Variants in CFAP43 observed in about 807,000 individuals in gnomAD.
The protein encoded by CFAP43 is cilia- and flagella-associated protein 43.
In CFAP43, 155 loss-of-function variants were observed where a neutral mutation model predicts 218.9. The ratio of observed to expected loss-of-function variants is 0.71; its 90% CI spans 0.62 to 0.81. The LOEUF (loss-of-function observed/expected upper bound fraction) is 0.81. Ranked by LOEUF, CFAP43 falls within the 30% of genes least tolerant of loss-of-function variation. CFAP43 has a pLI of 0.00. For missense variants in CFAP43, 1,778 were observed against 1,954.3 expected (o/e 0.91, Z 1.70); for synonymous variants, 645 against 681.3 (o/e 0.95, Z 0.83).
chr10:104,186,020 G>A lies in CFAP43; in HGVS notation c.1964C>T (p.Thr655Ile), dbSNP rs2090016823. ...YLSSHGLWLI[T>I]IAKCGILCIR... Reference sequence around the variant, plus strand: ...ACACAGAATTCCACATTTAGCTATTGTTATGAGCCACAATCCATGTGAAGA... The same window carrying A: ...ACACAGAATTCCACATTTAGCTATTATTATGAGCCACAATCCATGTGAAGA... Residue 655 changes from threonine (T) to isoleucine (I), a missense_variant, in exon 15 of 38, where the codon ACA becomes ATA. By Grantham distance (89) the Thr-to-Ile change is moderately conservative. This residue lies in a region of CFAP43 where 1,553 missense variants were observed against 1,685.2 expected (regional missense o/e 0.92). Transcript: ENST00000357060. 6.2e-7 allele frequency: 1 copy of A among 1,610,830 alleles called. No homozygotes were observed. Among genetic ancestry groups the A allele is most frequent in the African/African-American group, 1.3e-5 (1 of 74,606 alleles).
intron 34 of CFAP43, among the ~76,000 whole-genome samples, chr10:104,138,829 T>C (rs1163458789): frequency 6.6e-6 from 1 of 152,122 alleles, no homozygotes; most frequent in African/African-American, 2.4e-5. Flanking sequence ...AGTTCAATAG[T>C]TGTGGCAAAT....
intron 5 of CFAP43, among the ~76,000 whole-genome samples, chr10:104,210,370 A>G (rs1330685397): frequency 6.6e-6 from 1 of 152,186 alleles, no homozygotes; most frequent in Non-Finnish European, 1.5e-5. Flanking sequence ...ATTTTAGTTT[A>G]GCTTAGTTTA....
At chr10:104,228,793 C>T (rs1403205430) in intron 2 of CFAP43, among the ~76,000 whole-genome samples, 1 of 152,136 alleles carries the variant, frequency 6.6e-6, no homozygotes, top group East Asian at 1.9e-4. Context: ...TCTTACTGAG[C>T]ATTCTTTTGT....
At position 104,170,278 on chromosome 10, in the gene CFAP43, G is replaced by A. The variant is rs115384683; in HGVS notation, c.2587-1430C>T. ...ACCAAATCCTGCCTCAGAGGATCAAGGAGAACTCTTGAGGGATGAGCATGA... is the reference window on the plus strand; with the variant it reads ...ACCAAATCCTGCCTCAGAGGATCAAAGAGAACTCTTGAGGGATGAGCATGA... On this transcript the variant is annotated intron_variant, in intron 20 of 37. Coordinates refer to ENST00000357060, the MANE Select transcript of CFAP43 (RefSeq NM_025145.7). 9.4e-3 allele frequency among the ~76,000 whole-genome samples: 1,433 copies of A among 152,230 alleles called. 25 individuals carry two copies. The highest frequency in any genetic ancestry group is 0.033 in the African/African-American group (1,384 of 41,498).
At chr10:104,169,722 G>A (rs2089327539) in intron 20 of CFAP43, among the ~76,000 whole-genome samples, 1 of 151,260 alleles carries the variant, frequency 6.6e-6, no homozygotes, top group Admixed American at 6.6e-5. Context: ...TTATTTTATT[G>A]TCTGATTAAA....
At chr10:104,170,848 G>A (rs1197559936) in intron 20 of CFAP43, among the ~76,000 whole-genome samples, 2 of 152,052 alleles carry the variant, frequency 1.3e-5, no homozygotes, top group Non-Finnish European at 2.9e-5. Context: ...AAGCTCGTCA[G>A]GGCTAGCCTC....
intron 19 of CFAP43, 51 bp from the exon 20 acceptor site, chr10:104,172,586 A>T: frequency 3.4e-6 from 5 of 1,461,078 alleles, no homozygotes; most frequent in Non-Finnish European, 4.5e-6. Context: ...TTAAACTGTA[A>T]TAAGATAATT....
chr10:104,229,975 A>G (rs2091407739), intron 2 of CFAP43, among the ~76,000 whole-genome samples: 1 of 152,196 alleles, frequency 6.6e-6, no homozygotes, highest in African/African-American at 2.4e-5. Context: ...CATATGAATC[A>G]CCTGGGAATT....
At position 104,205,031 on chromosome 10, in the gene CFAP43, G is replaced by A. The variant is rs189747947; in HGVS notation, c.963+932C>T. 6.7e-3 allele frequency among the ~76,000 whole-genome samples: 1,016 copies of A among 152,064 alleles called. 5 individuals carry two copies. The highest frequency in any genetic ancestry group is 0.011 in the Non-Finnish European group (736 of 67,956). On this transcript the variant is annotated intron_variant, in intron 7 of 37. Transcript: ENST00000357060. ...AGATCAAGACCATCCTGCATAACAC[G>A]GTGAAACCCCGTCTCTACTAAAAAT...
intron 2 of CFAP43, 65 bp from the exon 3 acceptor site, chr10:104,225,622 T>C (rs1485895743): frequency 2.6e-5 from 34 of 1,293,304 alleles, no homozygotes; most frequent in Non-Finnish European, 3.6e-5. Flanking sequence ...AACTATGGTC[T>C]TACAGTTTAT....
At chr10:104,146,412 G>A in intron 29 of CFAP43, 63 bp from the exon 30 acceptor site, 1 of 1,248,106 alleles carries the variant, frequency 8.0e-7, no homozygotes, top group South Asian at 1.2e-5. Context: ...CAAAAATATT[G>A]GGGATACTAA....
intron 18 of CFAP43, 117 bp downstream of exon 18, chr10:104,179,723 C>T (rs1376469462): frequency 1.3e-6 from 1 of 753,578 alleles, no homozygotes; most frequent in Non-Finnish European, 2.3e-6. Flanking sequence ...TTGTAATGCT[C>T]TGCCAAGTGG....
intron 2 of CFAP43, among the ~76,000 whole-genome samples, chr10:104,228,926 G>A (rs1034259201): frequency 6.6e-6 from 1 of 151,956 alleles, no homozygotes; most frequent in Non-Finnish European, 1.5e-5. Flanking sequence ...GTGATAACAG[G>A]TCTCTCTGAT....
Position 104,192,293 on chromosome 10 carries a change from C to A in CFAP43, c.1452G>T (p.Gln484His). 6.2e-7 allele frequency: 1 copy of A among 1,610,218 alleles called. No individual in the cohort carries two copies. Among genetic ancestry groups the A allele is most frequent in the Non-Finnish European group, 8.5e-7 (1 of 1,177,698 alleles). ...TTCCAACTAACAGAAATATTCCTTGCTGATCATAACTAGAAAAGAAGAAAT... is the reference window on the plus strand; with the variant it reads ...TTCCAACTAACAGAAATATTCCTTGATGATCATAACTAGAAAAGAAGAAAT... ...ESSVQHVVYDQQGIFLLVGTA... is the reference protein window; with the variant it reads ...ESSVQHVVYDHQGIFLLVGTA... Residue 484 changes from glutamine to histidine, a missense_variant, in exon 12 of 38, where the codon CAG (glutamine) becomes CAT (histidine). Physicochemically the swap from Gln to His is conservative, Grantham distance 24. This residue lies in a region of CFAP43 where 1,553 missense variants were observed against 1,685.2 expected (regional missense o/e 0.92). Coordinates refer to ENST00000357060, the MANE Select transcript of CFAP43 (RefSeq NM_025145.7).
chr10:104,148,587 T>G lies in CFAP43; in HGVS notation c.3661-589A>C, dbSNP rs186354568. Reference sequence around the variant, plus strand: ...GTGAGTGAGTTTATACTCTATTAGTTCCCCTGAGTGCTGATTGTTAAAGAG... The same window carrying G: ...GTGAGTGAGTTTATACTCTATTAGTGCCCCTGAGTGCTGATTGTTAAAGAG... On this transcript the variant is annotated intron_variant, in intron 28 of 37. Transcript: ENST00000357060. 6.2e-4 allele frequency among the ~76,000 whole-genome samples: 94 copies of G among 152,194 alleles called. 1 individual carries two copies. The highest frequency in any genetic ancestry group is 2.1e-3 in the African/African-American group (89 of 41,514).
intron 19 of CFAP43, among the ~76,000 whole-genome samples, chr10:104,175,842 G>A (rs2089610272): frequency 6.6e-6 from 1 of 152,288 alleles, no homozygotes; most frequent in African/African-American, 2.4e-5. Flanking sequence ...GTTGGGGACT[G>A]TCTGTATATA....
At chr10:104,203,438 T>C (rs2090590664) in intron 8 of CFAP43, 5 of 423,724 alleles carry the variant, frequency 1.2e-5, no homozygotes, top group Admixed American at 4.4e-5. Flanking sequence ...GGTGGCATCA[T>C]GGTAGCTCTT....
intron 34 of CFAP43, among the ~76,000 whole-genome samples, chr10:104,135,747 T>C (rs1456330988): frequency 6.6e-6 from 1 of 152,056 alleles, no homozygotes; most frequent in Non-Finnish European, 1.5e-5. Flanking sequence ...AGTCATCCCA[T>C]GTTCTTGGAT....
At chr10:104,187,144 T>C (rs1298902492) in intron 14 of CFAP43, among the ~76,000 whole-genome samples, 176 bp downstream of exon 14, 1 of 152,204 alleles carries the variant, frequency 6.6e-6, no homozygotes, top group African/African-American at 2.4e-5. Flanking sequence ...ATATATTGTA[T>C]GATGGATTAA....
Sources: allele counts gnomAD v4.1 joint callset (sites outside exome capture counted in the v4.1 genomes callset), GRCh38; gene constraint gnomAD v4.1.1; regional missense constraint gnomAD v4.1.1; transcripts MANE v1.5; gene names NCBI Gene and HGNC (gene_info 2026-07-23, HGNC 2026-07-21).